The following GUCY1B1 variants were observed in gnomAD, a reference collection of about 807,000 sequenced individuals.
GUCY1B1 encodes guanylate cyclase soluble subunit beta-1.
GUCY1B1 carries 43 observed loss-of-function variants against 71.0 expected under a neutral mutation model. The observed-to-expected ratio is 0.61, with a 90% CI of 0.47 to 0.78. The LOEUF is 0.78. GUCY1B1 is among the 30% of genes least tolerant of loss of function. The pLI is 0.00. For missense variants in GUCY1B1, 535 were observed against 754.1 expected (o/e 0.71, Z 3.40); for synonymous variants, 266 against 259.7 (o/e 1.02, Z -0.23).
At chr4:155,782,258 T>C (rs1433929915) in intron 4 of GUCY1B1, among the ~76,000 whole-genome samples, 2 of 152,098 alleles carry the variant, frequency 1.3e-5, no homozygotes, top group Admixed American at 6.5e-5. Context: ...TTTTCTTTTA[T>C]TTTGTATTTT....
At chr4:155,776,411 C>A (rs1738047533) in intron 3 of GUCY1B1, among the ~76,000 whole-genome samples, 1 of 152,010 alleles carries the variant, frequency 6.6e-6, no homozygotes, top group South Asian at 2.1e-4. Context: ...GCAATTAAAA[C>A]TGATACACAG....
chr4:155,801,071 AAAAAGCTCTT>A (rs1262067775), intron 9 of GUCY1B1, among the ~76,000 whole-genome samples: 2 of 152,240 alleles, frequency 1.3e-5, no homozygotes, highest in Non-Finnish European at 1.5e-5. Flanking sequence ...TTCTGTACTG[AAAAAGCTCTT>A]AATTCACTTC....
intron 13 of GUCY1B1, 35 bp downstream of exon 13, chr4:155,805,264 G>A (rs1402587414): frequency 6.4e-7 from 1 of 1,567,646 alleles, no homozygotes; most frequent in Non-Finnish European, 8.7e-7. Flanking sequence ...GCGTACTTAA[G>A]ACAGAGTATA....
intron 4 of GUCY1B1, among the ~76,000 whole-genome samples, chr4:155,783,647 T>C (rs1344171063): frequency 6.6e-6 from 1 of 152,182 alleles, no homozygotes. Flanking sequence ...ACTTATTAAA[T>C]ACAACATTGT....
At chr4:155,772,418 G>A (rs564762483) in intron 2 of GUCY1B1, among the ~76,000 whole-genome samples, 12 of 152,010 alleles carry the variant, frequency 7.9e-5, no homozygotes, top group African/African-American at 1.7e-4. Flanking sequence ...TTGTTTGTTC[G>A]CTTGTTTGTT....
chr4:155,760,024 C>A (rs945200038), intron 2 of GUCY1B1, among the ~76,000 whole-genome samples, 164 bp downstream of exon 2: 5 of 151,986 alleles, frequency 3.3e-5, no homozygotes, highest in Admixed American at 6.5e-5. Context: ...TCCCACGCTC[C>A]GGGACTGGAA....
chr4:155,784,035 T>A (rs528981957), intron 4 of GUCY1B1, among the ~76,000 whole-genome samples: 1 of 152,286 alleles, frequency 6.6e-6, no homozygotes, highest in South Asian at 2.1e-4. Flanking sequence ...TGTAGTATTA[T>A]ATAGACTGGA....
intron 8 of GUCY1B1, among the ~76,000 whole-genome samples, chr4:155,799,377 G>T (rs1325748568): frequency 1.3e-5 from 2 of 152,118 alleles, no homozygotes; most frequent in Admixed American, 6.6e-5. Context: ...CTGAGGCTGG[G>T]TCATAAACGT....
At chr4:155,794,783 A>C (rs1378587115) in intron 6 of GUCY1B1, among the ~76,000 whole-genome samples, 1 of 151,922 alleles carries the variant, frequency 6.6e-6, no homozygotes. Flanking sequence ...TCTGGTATTG[A>C]CTCTACCTGT....
intron 2 of GUCY1B1, among the ~76,000 whole-genome samples, chr4:155,762,223 G>T (rs1046939545): frequency 1.3e-5 from 2 of 152,118 alleles, no homozygotes; most frequent in Admixed American, 6.5e-5. Context: ...GGGTGATTCT[G>T]GTTCCTCCTC....
chr4:155,762,629 A>G (rs1737073042), intron 2 of GUCY1B1, among the ~76,000 whole-genome samples: 1 of 152,204 alleles, frequency 6.6e-6, no homozygotes, highest in Non-Finnish European at 1.5e-5. Flanking sequence ...CCATTTCACA[A>G]AAGCTTTGAA....
intron 3 of GUCY1B1, among the ~76,000 whole-genome samples, chr4:155,776,607 T>G (rs1304173783): frequency 2.6e-5 from 4 of 151,688 alleles, no homozygotes; most frequent in Non-Finnish European, 4.4e-5. Context: ...GAGGTGGAGG[T>G]TGCAGCGAGC....
rs10003470 is a variant in GUCY1B1 at position 155,788,060 on chromosome 4, A to G, written c.298-1654A>G. On this transcript the variant is annotated intron_variant, in intron 4 of 13. Coordinates refer to ENST00000264424, the MANE Select transcript of GUCY1B1 (RefSeq NM_000857.5). ...CTTGGTGTATTTGTTTTTTATTGCT[A>G]CCATAACAAATGACCACAAACTTAA... Among the ~76,000 whole-genome samples, 1,013 of 152,250 alleles carry G rather than the reference A, an allele frequency of 6.7e-3. 12 individuals carry two copies. Among genetic ancestry groups the G allele is most frequent in the African/African-American group, 0.023 (972 of 41,544 alleles).
chr4:155,801,179 C>T (rs962900856), intron 9 of GUCY1B1, among the ~76,000 whole-genome samples: 5 of 152,176 alleles, frequency 3.3e-5, no homozygotes, highest in African/African-American at 9.7e-5. Flanking sequence ...AGTTAAACAG[C>T]GGCCTTGTCT....
intron 7 of GUCY1B1, 91 bp downstream of exon 7, chr4:155,795,548 G>A (rs1739489207): frequency 6.3e-6 from 4 of 630,938 alleles, no homozygotes; most frequent in Non-Finnish European, 1.1e-5. Context: ...CTCTGAGAAA[G>A]TATAGAGAGA....
chr4:155,782,001 A>G (rs1410102172), intron 4 of GUCY1B1, among the ~76,000 whole-genome samples: 3 of 152,158 alleles, frequency 2.0e-5, no homozygotes, highest in African/African-American at 7.2e-5. Context: ...TTTTTTATTC[A>G]TAAATTGACA....
intron 2 of GUCY1B1, among the ~76,000 whole-genome samples, chr4:155,760,074 G>A (rs1230477125): frequency 6.6e-6 from 1 of 152,130 alleles, no homozygotes; most frequent in African/African-American, 2.4e-5. Context: ...CTGCGAGGGC[G>A]AGAACCGCGG....
chr4:155,767,260 C>T (rs1277739461), intron 2 of GUCY1B1, among the ~76,000 whole-genome samples: 2 of 152,064 alleles, frequency 1.3e-5, no homozygotes, highest in South Asian at 2.1e-4. Context: ...TTCAAGCATG[C>T]GTACAGGTGA....
intron 5 of GUCY1B1, among the ~76,000 whole-genome samples, chr4:155,792,534 A>C (rs1482847121): frequency 6.6e-6 from 1 of 152,108 alleles, no homozygotes; most frequent in East Asian, 1.9e-4. Context: ...AGGTAGTAAC[A>C]TCCCAGTTTT....
Sources: allele counts gnomAD v4.1 joint callset (sites outside exome capture counted in the v4.1 genomes callset), GRCh38; gene constraint gnomAD v4.1.1; transcripts MANE v1.5; gene names NCBI Gene and HGNC (gene_info 2026-07-23, HGNC 2026-07-21).